PRLR: variants seen among roughly 807,000 people sequenced by gnomAD.
The protein encoded by PRLR is prolactin receptor, also known as hPRL receptor.
PRLR carries 13 observed loss-of-function variants against 40.2 expected under a neutral mutation model. The ratio of observed to expected loss-of-function variants is 0.32; its 90% CI spans 0.21 to 0.51. PRLR has a LOEUF of 0.51. Among genes scored for constraint, PRLR ranks in the 20% least tolerant of loss-of-function variants. The pLI is 0.97. For synonymous variants in PRLR, 269 were observed against 278.7 expected (o/e 0.97, Z 0.35); for missense variants, 656 against 747.3 (o/e 0.88, Z 1.42).
At chr5:35,211,564 T>C (rs1465206878) in intron 1 of PRLR, among the ~76,000 whole-genome samples, 1 of 152,172 alleles carries the variant, frequency 6.6e-6, no homozygotes, top group Non-Finnish European at 1.5e-5. Flanking sequence ...AATACCATAA[T>C]AATGTAAAAT....
intron 1 of PRLR, among the ~76,000 whole-genome samples, chr5:35,184,054 C>G (rs558953385): frequency 2.6e-5 from 4 of 152,134 alleles, no homozygotes; most frequent in African/African-American, 9.7e-5. Flanking sequence ...GAAAGTTTGC[C>G]CTTACCTATA....
intron 9 of PRLR, among the ~76,000 whole-genome samples, chr5:35,067,054 C>T (rs992353413): frequency 5.3e-5 from 8 of 152,076 alleles, no homozygotes; most frequent in South Asian, 2.1e-4. Context: ...TGAGCCACCG[C>T]GCCCGGCCTC....
At chr5:35,130,690 T>A (rs1431320678) in intron 1 of PRLR, among the ~76,000 whole-genome samples, 3 of 152,184 alleles carry the variant, frequency 2.0e-5, no homozygotes, top group African/African-American at 7.2e-5. Context: ...ATGGGTTGAA[T>A]TGCATCCTCC....
intron 1 of PRLR, among the ~76,000 whole-genome samples, chr5:35,164,761 C>A (rs1470519406): frequency 2.6e-5 from 4 of 152,128 alleles, no homozygotes; most frequent in Non-Finnish European, 5.9e-5. Context: ...GCAGTGGAAC[C>A]AGGCTGCTGG....
intron 5 of PRLR, among the ~76,000 whole-genome samples, chr5:35,080,057 A>G (rs369151191): frequency 1.3e-5 from 2 of 152,356 alleles, no homozygotes; most frequent in South Asian, 4.1e-4. Context: ...TTTAAGACTT[A>G]AATGTTAGAC....
intron 8 of PRLR, 75 bp downstream of exon 8, chr5:35,068,704 A>T (rs909605152): frequency 1.7e-6 from 2 of 1,153,184 alleles, no homozygotes; most frequent in Non-Finnish European, 2.6e-6. Flanking sequence ...GGTTTCCATC[A>T]TCTTTGTATT....
intron 1 of PRLR, among the ~76,000 whole-genome samples, chr5:35,125,181 C>T (rs1356865872): frequency 6.6e-6 from 1 of 152,198 alleles, no homozygotes; most frequent in Non-Finnish European, 1.5e-5. Flanking sequence ...AAATCAGCAT[C>T]ACTGAAACAC....
chr5:35,053,937 C>G (rs1197009290), downstream of PRLR, among the ~76,000 whole-genome samples: 1 of 151,874 alleles, frequency 6.6e-6, no homozygotes, highest in Non-Finnish European at 1.5e-5. Context: ...AGTGGAGCAC[C>G]AGGACAGGAA....
chr5:35,166,055 T>C (rs1349000762), intron 1 of PRLR, among the ~76,000 whole-genome samples: 1 of 152,198 alleles, frequency 6.6e-6, no homozygotes, highest in Admixed American at 6.5e-5. Flanking sequence ...TGATACCATT[T>C]AGCATTCATG....
intron 1 of PRLR, among the ~76,000 whole-genome samples, chr5:35,205,592 T>C (rs892083227): frequency 3.3e-5 from 5 of 152,144 alleles, no homozygotes; most frequent in Non-Finnish European, 7.4e-5. Context: ...GTTAGAAGAC[T>C]GGGCAGTGGT....
At chr5:35,108,580 C>T in intron 2 of PRLR, among the ~76,000 whole-genome samples, 1 of 152,134 alleles carries the variant, frequency 6.6e-6, no homozygotes, top group East Asian at 1.9e-4. Flanking sequence ...AAGAGATAAA[C>T]AGAAAGCCAA....
chr5:35,113,795 G>C (rs78003537), intron 2 of PRLR, among the ~76,000 whole-genome samples: 5,194 of 152,312 alleles, frequency 0.034, 289 homozygotes, highest in African/African-American at 0.12. Flanking sequence ...TAGGAGGCCA[G>C]GAGGGGTTGC....
chr5:35,093,535 A>C (rs1771351913), intron 2 of PRLR, among the ~76,000 whole-genome samples: 1 of 152,138 alleles, frequency 6.6e-6, no homozygotes, highest in South Asian at 2.1e-4. Context: ...TTTTTGACTC[A>C]GTTTTCCTAA....
Position 35,086,339 on chromosome 5 carries a change from T to G in PRLR, c.72A>C (p.Gly24=). ...TCTCAGGTTTTCCAGGAGGTAACTG[T>G]CCTAGAAAAAGCCAGAAGCCACTGC... The part of the protein sequence containing the change: ...LLFLNTCLLN[G]QLPPGKPEIF... The change falls in exon 4 of 10, where the codon GGA becomes GGC. Residue 24 remains glycine (G), a splice_region_variant and synonymous_variant. Transcript: ENST00000618457. The G allele has an allele frequency of 6.2e-7, 1 of 1,613,140 alleles. No homozygotes were observed. The highest frequency in any genetic ancestry group is 8.5e-7 in the Non-Finnish European group (1 of 1,179,676).
At chr5:35,111,161 A>G (rs971171951) in intron 2 of PRLR, among the ~76,000 whole-genome samples, 1 of 152,208 alleles carries the variant, frequency 6.6e-6, no homozygotes, top group African/African-American at 2.4e-5. Flanking sequence ...TAAGAATTTT[A>G]TGCTCTAAAG....
chr5:35,199,467 G>C (rs1385557818), intron 1 of PRLR, among the ~76,000 whole-genome samples: 1 of 152,096 alleles, frequency 6.6e-6, no homozygotes, highest in African/African-American at 2.4e-5. Flanking sequence ...GATTATGACA[G>C]AAATGTTTCC....
chr5:35,193,047 G>A (rs1008496914), intron 1 of PRLR, among the ~76,000 whole-genome samples: 1 of 152,180 alleles, frequency 6.6e-6, no homozygotes, highest in African/African-American at 2.4e-5. Flanking sequence ...GAGCAACAGA[G>A]TCACCATGGG....
chr5:35,164,230 C>A (rs570077862), intron 1 of PRLR, among the ~76,000 whole-genome samples: 43 of 152,138 alleles, frequency 2.8e-4, no homozygotes, highest in Non-Finnish European at 4.9e-4. Flanking sequence ...ACTTATACAA[C>A]CAATTAGCTG....
At chr5:35,138,047 G>GA (rs1773911893) in intron 1 of PRLR, among the ~76,000 whole-genome samples, 1 of 152,160 alleles carries the variant, frequency 6.6e-6, no homozygotes, top group Non-Finnish European at 1.5e-5. Flanking sequence ...GTATAGTTTG[G>GA]AAAAAATGTT....
Sources: gnomAD v4.1 joint callset for allele counts (sites outside exome capture counted in the v4.1 genomes callset) on GRCh38, gnomAD v4.1.1 for gene constraint, MANE v1.5 for transcripts, NCBI Gene and HGNC (gene_info 2026-07-23, HGNC 2026-07-21) for gene names.